The following PTPRD variants were observed in gnomAD, a reference collection of about 807,000 sequenced individuals.
The protein encoded by PTPRD is protein tyrosine phosphatase receptor type D, also known as receptor-type tyrosine-protein phosphatase delta.
Under a neutral mutation model 214.5 loss-of-function variants are expected in PTPRD, and 34 were observed. The ratio of observed to expected loss-of-function variants is 0.16; its 90% CI spans 0.12 to 0.21. The LOEUF is 0.21. Among genes scored for constraint, PTPRD ranks in the 10% least tolerant of loss-of-function variants. The pLI is 1.00. For synonymous variants in PTPRD, 1,128 were observed against 845.7 expected, an observed-to-expected ratio of 1.33 and a Z score of -5.79; for missense variants, 2,545 against 2,398.7, an observed-to-expected ratio of 1.06 and a Z score of -1.27.
At chr9:8,440,447 C>T (rs552782750) in intron 34 of PTPRD, among the ~76,000 whole-genome samples, 15 of 152,016 alleles carry the variant, frequency 9.9e-5, no homozygotes, top group African/African-American at 3.1e-4. Flanking sequence ...TCCTGAGCAG[C>T]GGGATTACAG....
At chr9:9,929,289 T>C (rs2085498616) in intron 5 of PTPRD, among the ~76,000 whole-genome samples, 1 of 152,200 alleles carries the variant, frequency 6.6e-6, no homozygotes, top group Non-Finnish European at 1.5e-5. Flanking sequence ...CCAGTAAAGT[T>C]AACTTGAGTC....
intron 5 of PTPRD, among the ~76,000 whole-genome samples, chr9:9,786,055 A>G (rs750177278): frequency 5.9e-5 from 9 of 152,194 alleles, no homozygotes; most frequent in Admixed American, 2.0e-4. Context: ...TTACTTCTCC[A>G]TATTTCATTA....
intron 14 of PTPRD, among the ~76,000 whole-genome samples, chr9:8,559,806 T>G (rs2085444414): frequency 6.6e-6 from 1 of 152,198 alleles, no homozygotes; most frequent in South Asian, 2.1e-4. Context: ...AGAAGTCAGC[T>G]TCAAAGAACA....
At chr9:9,819,015 C>T (rs2049780080) in intron 5 of PTPRD, among the ~76,000 whole-genome samples, 1 of 151,506 alleles carries the variant, frequency 6.6e-6, no homozygotes, top group African/African-American at 2.4e-5. Flanking sequence ...AAATGTAAAG[C>T]ACTTCACCAA....
chr9:10,194,843 T>A (rs972431056), intron 3 of PTPRD, among the ~76,000 whole-genome samples: 1 of 152,158 alleles, frequency 6.6e-6, no homozygotes, highest in Admixed American at 6.6e-5. Context: ...TAAGGATCAT[T>A]TCCTTTCACA....
At chr9:8,658,755 T>G (rs757222819) in intron 12 of PTPRD, among the ~76,000 whole-genome samples, 1 of 151,834 alleles carries the variant, frequency 6.6e-6, no homozygotes, top group Non-Finnish European at 1.5e-5. Flanking sequence ...AACACTACCC[T>G]AGCTACAAAG....
intron 10 of PTPRD, among the ~76,000 whole-genome samples, chr9:9,059,080 G>C (rs75521456): frequency 9.3e-4 from 142 of 152,216 alleles, no homozygotes; most frequent in African/African-American, 3.3e-3. Flanking sequence ...AGAACTGAAA[G>C]TTTGGAACAG....
At chr9:8,454,173 A>T (rs938945390) in intron 33 of PTPRD, among the ~76,000 whole-genome samples, 3 of 152,170 alleles carry the variant, frequency 2.0e-5, no homozygotes, top group African/African-American at 7.2e-5. Flanking sequence ...GAAAATGCTA[A>T]TATCATTAGG....
chr9:9,606,185 C>T (rs2094140643), intron 7 of PTPRD, among the ~76,000 whole-genome samples: 3 of 152,056 alleles, frequency 2.0e-5, no homozygotes, highest in South Asian at 4.1e-4. Flanking sequence ...GGTGTCATTA[C>T]ACTCGGTCAA....
chr9:9,770,662 T>G (rs1054440143), intron 5 of PTPRD, among the ~76,000 whole-genome samples: 2 of 152,128 alleles, frequency 1.3e-5, no homozygotes, highest in African/African-American at 2.4e-5. Context: ...TTCTTAATAT[T>G]GATTTAGTGA....
Position 9,443,645 on chromosome 9 carries a change from G to C in PTPRD, c.-236-46163C>G, listed in dbSNP as rs763864806. On this transcript the variant is annotated intron_variant, in intron 8 of 45. Transcript: ENST00000381196. Reference sequence around the variant, plus strand: ...GAAGCCATGAGAACACATAGAGAAGGGGGTAGCTCAGCTGACCCAGCCCTC... The same window carrying C: ...GAAGCCATGAGAACACATAGAGAAGCGGGTAGCTCAGCTGACCCAGCCCTC... 4.6e-5 allele frequency among the ~76,000 whole-genome samples: 7 copies of C among 152,188 alleles called. No homozygotes were observed. The South Asian group carries it at 1.0e-3, about 23-fold the overall frequency.
intron 3 of PTPRD, among the ~76,000 whole-genome samples, chr9:10,280,486 C>T (rs966530665): frequency 6.6e-6 from 1 of 151,906 alleles, no homozygotes; most frequent in Admixed American, 6.6e-5. Context: ...AATAATTAAA[C>T]AATATAAATA....
chr9:9,847,514 T>C (rs542772508), intron 5 of PTPRD, among the ~76,000 whole-genome samples: 1 of 152,152 alleles, frequency 6.6e-6, no homozygotes, highest in African/African-American at 2.4e-5. Flanking sequence ...GTCCCTGTTC[T>C]CTGGACCTAA....
chr9:8,420,717 T>A (rs1265933266), intron 35 of PTPRD, among the ~76,000 whole-genome samples: 1 of 152,084 alleles, frequency 6.6e-6, no homozygotes, highest in South Asian at 2.1e-4. Flanking sequence ...TTATGAAATT[T>A]ATAGGCAGAT....
chr9:9,601,126 T>C (rs1405504890), intron 7 of PTPRD, among the ~76,000 whole-genome samples: 5 of 118,410 alleles, frequency 4.2e-5, no homozygotes, highest in Non-Finnish European at 6.8e-5. Context: ...TGTGTGTGTG[T>C]GTGTGTGTGT....
In PTPRD at chr9:8,845,192, A is replaced by C. The variant is rs559471384; in HGVS notation, c.-103-111246T>G. On this transcript the variant is annotated intron_variant, in intron 11 of 45. Transcript: ENST00000381196. ...GAAAAAAAAACAAAAACAAAAAAAA[A>C]CACACAATTCTGTGTTCCTCTGAGA... Among the ~76,000 whole-genome samples the C allele has an allele frequency of 2.5e-4, 38 of 151,076 alleles. 1 individual carries two copies. Among genetic ancestry groups the C allele is most frequent in the African/African-American group, 6.3e-4 (26 of 41,368 alleles).
chr9:8,923,573 A>G (rs1429765504), intron 11 of PTPRD, among the ~76,000 whole-genome samples: 1 of 152,206 alleles, frequency 6.6e-6, no homozygotes, highest in Non-Finnish European at 1.5e-5. Flanking sequence ...TTGTGTTTAC[A>G]TTGTTTTTAT....
chr9:8,733,081 C>A lies in PTPRD; in HGVS notation c.64+699G>T, dbSNP rs79553752. ...AGATGGGAAAATAAATGCAGGTAAACAAGGTAGACCTAATGATTTCCTAAT... is the reference window on the plus strand; with the variant it reads ...AGATGGGAAAATAAATGCAGGTAAAAAAGGTAGACCTAATGATTTCCTAAT... On this transcript the variant is annotated intron_variant, in intron 12 of 45. Coordinates refer to ENST00000381196, the MANE Select transcript of PTPRD (RefSeq NM_002839.4). 6.0e-3 allele frequency among the ~76,000 whole-genome samples: 909 copies of A among 152,280 alleles called. 11 individuals carry two copies. Among genetic ancestry groups the A allele is most frequent in the African/African-American group, 0.021 (855 of 41,546 alleles).
intron 9 of PTPRD, among the ~76,000 whole-genome samples, chr9:9,331,704 C>G (rs1351522158): frequency 6.6e-6 from 1 of 152,058 alleles, no homozygotes; most frequent in Non-Finnish European, 1.5e-5. Flanking sequence ...ATAGAAGTCT[C>G]TTCTTGTTTC....
Sources: allele counts gnomAD v4.1 joint callset (sites outside exome capture counted in the v4.1 genomes callset), GRCh38; gene constraint gnomAD v4.1.1; transcripts MANE v1.5; gene names NCBI Gene and HGNC (gene_info 2026-07-23, HGNC 2026-07-21).